The following PCSK6 variants were observed in gnomAD, a reference collection of about 807,000 sequenced individuals.
The protein encoded by PCSK6 is proprotein convertase subtilisin/kexin type 6, also known as paired basic amino acid cleaving enzyme 4.
Under a neutral mutation model 123.3 loss-of-function variants are expected in PCSK6, and 85 were observed. The ratio of observed to expected loss-of-function variants is 0.69; its 90% CI spans 0.58 to 0.83. PCSK6 has a LOEUF of 0.83. PCSK6 is among the 40% of genes least tolerant of loss of function. The pLI, the probability that PCSK6 is intolerant of heterozygous loss-of-function variation, is 0.00. For synonymous variants in PCSK6, 508 were observed against 516.0 expected (o/e 0.98, Z 0.21); for missense variants, 1,191 against 1,282.3 (o/e 0.93, Z 1.09).
chr15:101,346,951 T>A (rs2040747822), intron 13 of PCSK6: 2 of 1,231,468 alleles, frequency 1.6e-6, no homozygotes, highest in African/African-American at 1.6e-5. Flanking sequence ...GGGAAAGGCG[T>A]CACTGTCACG....
intron 11 of PCSK6, among the ~76,000 whole-genome samples, chr15:101,375,314 C>CA (rs34535327): frequency 0.42 from 64,190 of 151,128 alleles, 14,152 homozygotes; most frequent in East Asian, 0.69. Flanking sequence ...AATTTAACCT[C>CA]AAAAAAAAAG....
At chr15:101,389,426 CA>C (rs2042159979) in intron 9 of PCSK6, 37 bp downstream of exon 9, 3 of 1,237,476 alleles carry the variant, frequency 2.4e-6, no homozygotes, top group Non-Finnish European at 3.4e-6. Flanking sequence ...ACAATCTAAA[CA>C]TTTTTTTTTT....
At chr15:101,374,176 C>T (rs765537770) in intron 11 of PCSK6, among the ~76,000 whole-genome samples, 12 of 152,158 alleles carry the variant, frequency 7.9e-5, no homozygotes, top group Non-Finnish European at 1.8e-4. Context: ...TCCATTCATC[C>T]CAAATGCTCT....
At chr15:101,348,160 C>T (rs908203758) in intron 13 of PCSK6, among the ~76,000 whole-genome samples, 3 of 129,130 alleles carry the variant, frequency 2.3e-5, no homozygotes, top group Admixed American at 8.3e-5. Context: ...CCCGGGGTCC[C>T]GCTGGGTCGG....
At chr15:101,424,461 G>A (rs1040380716) in intron 6 of PCSK6, among the ~76,000 whole-genome samples, 3 of 152,200 alleles carry the variant, frequency 2.0e-5, no homozygotes, top group African/African-American at 7.2e-5. Context: ...TAAAATTGGA[G>A]AGAATTTTTC....
At chr15:101,344,219 A>G (rs2040682569) in intron 13 of PCSK6, among the ~76,000 whole-genome samples, 1 of 152,180 alleles carries the variant, frequency 6.6e-6, no homozygotes, top group Non-Finnish European at 1.5e-5. Flanking sequence ...TATCTATCAA[A>G]TATATCCGAG....
At chr15:101,388,334 T>C (rs2042130628) in intron 9 of PCSK6, among the ~76,000 whole-genome samples, 1 of 152,248 alleles carries the variant, frequency 6.6e-6, no homozygotes, top group Non-Finnish European at 1.5e-5. Flanking sequence ...TTACAAGCAT[T>C]GAGGCATCCC....
At chr15:101,377,705 T>G (rs973252257) in intron 11 of PCSK6, among the ~76,000 whole-genome samples, 7 of 152,234 alleles carry the variant, frequency 4.6e-5, no homozygotes, top group African/African-American at 1.7e-4. Context: ...AAGCAGGTGA[T>G]ATGCGGCTAA....
At chr15:101,383,889 AAGT>A (rs1295988278) in intron 10 of PCSK6, among the ~76,000 whole-genome samples, 1 of 152,164 alleles carries the variant, frequency 6.6e-6, no homozygotes, top group Non-Finnish European at 1.5e-5. Flanking sequence ...TGTCAAAAAA[AAGT>A]AGTGGGGGAA....
At chr15:101,424,326 G>A (rs1376256265) in intron 6 of PCSK6, among the ~76,000 whole-genome samples, 2 of 151,544 alleles carry the variant, frequency 1.3e-5, no homozygotes, top group African/African-American at 4.8e-5. Context: ...ACTCATCGTC[G>A]GAAACAATGG....
chr15:101,430,190 C>T, intron 4 of PCSK6, 127 bp from the exon 5 acceptor site: 1 of 699,394 alleles, frequency 1.4e-6, no homozygotes, highest in Admixed American at 2.3e-5. Flanking sequence ...TAGCTATAAT[C>T]TCATATACGT....
At chr15:101,401,439 G>C (rs1388166427) in intron 6 of PCSK6, among the ~76,000 whole-genome samples, 1 of 152,242 alleles carries the variant, frequency 6.6e-6, no homozygotes, top group African/African-American at 2.4e-5. Flanking sequence ...CCAGTGTCCA[G>C]GCACTGAGAT....
chr15:101,465,153 C>T (rs1394128276), intron 1 of PCSK6, among the ~76,000 whole-genome samples: 1 of 152,204 alleles, frequency 6.6e-6, no homozygotes, highest in African/African-American at 2.4e-5. Flanking sequence ...TAAGAAAGGG[C>T]CCTGCGAGGG....
chr15:101,328,121 A>C (rs1217145388), intron 15 of PCSK6, among the ~76,000 whole-genome samples: 1 of 152,234 alleles, frequency 6.6e-6, no homozygotes, highest in Non-Finnish European at 1.5e-5. Flanking sequence ...CATTGAGCCC[A>C]AAACTCCAGC....
intron 12 of PCSK6, among the ~76,000 whole-genome samples, chr15:101,367,278 C>A (rs2041427420): frequency 6.6e-6 from 1 of 152,190 alleles, no homozygotes; most frequent in Non-Finnish European, 1.5e-5. Flanking sequence ...GGAATCAATT[C>A]CAGGTTTTTT....
At chr15:101,424,457 T>G (rs889089731) in intron 6 of PCSK6, among the ~76,000 whole-genome samples, 17 of 152,036 alleles carry the variant, frequency 1.1e-4, no homozygotes, top group African/African-American at 3.9e-4. Context: ...CAGATAAAAT[T>G]GGAGAGAATT....
intron 15 of PCSK6, 23 bp downstream of exon 15, chr15:101,331,624 ATACT>A: frequency 6.2e-7 from 1 of 1,610,276 alleles, no homozygotes. Context: ...AGGTTGGAAA[ATACT>A]TACTGGTTTG....
intron 1 of PCSK6, among the ~76,000 whole-genome samples, chr15:101,474,996 C>T (rs73485016): frequency 0.045 from 6,848 of 152,264 alleles, 369 homozygotes; most frequent in African/African-American, 0.12. Context: ...TGCCCAAACA[C>T]ACCCCCACTT....
intron 13 of PCSK6, among the ~76,000 whole-genome samples, chr15:101,336,299 T>C (rs548257144): frequency 1.9e-4 from 29 of 152,346 alleles, no homozygotes; most frequent in South Asian, 8.3e-4. Flanking sequence ...AATGACTTCA[T>C]GATGGTAAAG....
Sources: allele counts gnomAD v4.1 joint callset (sites outside exome capture counted in the v4.1 genomes callset), GRCh38; gene constraint gnomAD v4.1.1; transcripts MANE v1.5; gene names NCBI Gene and HGNC (gene_info 2026-07-23, HGNC 2026-07-21).